Variants in IGF1R observed in about 807,000 individuals in gnomAD.
IGF1R encodes the protein insulin like growth factor 1 receptor, also known as insulin-like growth factor 1 receptor.
Under a neutral mutation model 144.6 loss-of-function variants are expected in IGF1R, and 44 were observed. The observed-to-expected ratio is 0.30, with a 90% confidence interval of 0.24 to 0.39. IGF1R has a LOEUF of 0.39. Among genes scored for constraint, IGF1R ranks in the 10% least tolerant of loss-of-function variants. The pLI is 1.00. For missense variants in IGF1R, 1,355 were observed against 1,833.7 expected (o/e 0.74, Z 4.77); for synonymous variants, 795 against 722.8 (o/e 1.10, Z -1.60).
intron 1 of IGF1R, among the ~76,000 whole-genome samples, chr15:98,693,006 C>T (rs148235749): frequency 7.2e-5 from 11 of 152,234 alleles, no homozygotes; most frequent in South Asian, 4.1e-4. Flanking sequence ...CCCTTTGTCC[C>T]GTGTTCCATT....
rs886051579 is a variant in IGF1R, at chr15:98,959,014, G to C, written c.*1572G>C. ...CGGGCACCCATCCTGAGAGGGCCGC[G>C]CTCCTCTCCCCAGCCTGCCCTCACA... On this transcript the variant is annotated 3_prime_UTR_variant, in exon 21 of 21. Coordinates refer to ENST00000650285, the MANE Select transcript of IGF1R (RefSeq NM_000875.5). 8.6e-6 allele frequency: 2 copies of C among 233,092 alleles called. No homozygotes were observed. Among genetic ancestry groups the C allele is most frequent in the African/African-American group, 4.4e-5 (2 of 45,288 alleles). The allele number at this position is 233,092 out of a possible 1,614,324, so 14.4% of individuals were successfully genotyped here.
At chr15:98,905,468 C>T (rs1401664225) in intron 5 of IGF1R, among the ~76,000 whole-genome samples, 1 of 150,776 alleles carries the variant, frequency 6.6e-6, no homozygotes, top group Non-Finnish European at 1.5e-5. Context: ...CCAGCCAGGG[C>T]AACATAGTGA....
At chr15:98,841,006 C>T (rs925114624) in intron 2 of IGF1R, among the ~76,000 whole-genome samples, 14 of 152,076 alleles carry the variant, frequency 9.2e-5, no homozygotes, top group African/African-American at 2.4e-4. Context: ...GACTTCCTTT[C>T]GCTTGTAGCC....
chr15:98,911,308 G>A lies in IGF1R; in HGVS notation c.1463-7G>A. 1 of 1,614,080 alleles carries A rather than the reference G, an allele frequency of 6.2e-7. No homozygotes were observed. The highest frequency in any genetic ancestry group is 8.5e-7 in the Non-Finnish European group (1 of 1,179,986). On this transcript the variant is annotated splice_region_variant and splice_polypyrimidine_tract_variant and intron_variant, in intron 6 of 20. Coordinates refer to ENST00000650285, the MANE Select transcript of IGF1R (RefSeq NM_000875.5). ...TCTGTCACTCACGGATGTACTCTTT[G>A]CCCCAGGTGAAAGTGACGTCCTGCA...
chr15:98,747,911 C>T (rs1054713653), intron 2 of IGF1R, among the ~76,000 whole-genome samples: 2 of 152,036 alleles, frequency 1.3e-5, no homozygotes, highest in Non-Finnish European at 2.9e-5. Context: ...GTATAAGTAG[C>T]CAACTGATTT....
Position 98,861,830 on chromosome 15 carries a change from A to G in IGF1R, c.641-29495A>G, listed in dbSNP as rs2012174075. Among the ~76,000 whole-genome samples, 3 of 152,262 alleles carry G rather than the reference A, an allele frequency of 2.0e-5. No homozygotes were observed. In the South Asian group the frequency reaches 6.2e-4, roughly 31 times the overall value. On this transcript the variant is annotated intron_variant, in intron 2 of 20. Transcript: ENST00000650285. ...CAGTAATACTGCCTAAATAGGGCACATGTACCTAAAAGGATTTTGTACATT... is the reference window on the plus strand; with the variant it reads ...CAGTAATACTGCCTAAATAGGGCACGTGTACCTAAAAGGATTTTGTACATT...
chr15:98,809,437 C>T (rs562622972), intron 2 of IGF1R, among the ~76,000 whole-genome samples: 233 of 152,246 alleles, frequency 1.5e-3, no homozygotes, highest in Admixed American at 4.1e-3. Flanking sequence ...TCCCAAGTTC[C>T]GCTGGCGTGA....
Position 98,962,748 on chromosome 15 carries a change from T to G in IGF1R, c.*5306T>G, listed in dbSNP as rs1212690419. On this transcript the variant is annotated 3_prime_UTR_variant, in exon 21 of 21. Transcript: ENST00000650285. Reference sequence around the variant, plus strand: ...TTTTGAACTTGATTGTTCTTGAAGCTATCAGACCACATCGAGGCTCAGCAG... The same window carrying G: ...TTTTGAACTTGATTGTTCTTGAAGCGATCAGACCACATCGAGGCTCAGCAG... The G allele has an allele frequency of 4.3e-6, 1 of 233,434 alleles. No homozygotes were observed. Among genetic ancestry groups the G allele is most frequent in the Non-Finnish European group, 8.5e-6 (1 of 118,064 alleles). The allele number at this position is 233,434 out of a possible 1,614,324, so 14.5% of individuals were successfully genotyped here. A position where few individuals can be genotyped will look rare whatever the true frequency, so the allele number is the denominator to read the frequency against.
At chr15:98,662,220 A>G (rs955629129) in intron 1 of IGF1R, among the ~76,000 whole-genome samples, 6 of 151,744 alleles carry the variant, frequency 4.0e-5, no homozygotes, top group African/African-American at 1.5e-4. Flanking sequence ...GCCTCAAGCA[A>G]TCCACCGACC....
chr15:98,939,421 T>C (rs1596472978), intron 18 of IGF1R, 61 bp downstream of exon 18: 7 of 1,545,718 alleles, frequency 4.5e-6, no homozygotes, highest in East Asian at 2.2e-5. Flanking sequence ...GAGGACTTTG[T>C]TGGCATTAGT....
At position 98,784,224 on chromosome 15, in the gene IGF1R, C is replaced by T. The variant is rs560215893; in HGVS notation, c.640+76117C>T. 1.4e-3 allele frequency among the ~76,000 whole-genome samples: 218 copies of T among 152,028 alleles called. 1 individual carries two copies. The highest frequency in any genetic ancestry group is 1.4e-3 in the Non-Finnish European group (92 of 67,984). On this transcript the variant is annotated intron_variant, in intron 2 of 20. Coordinates refer to ENST00000650285, the MANE Select transcript of IGF1R (RefSeq NM_000875.5). Reference sequence around the variant, plus strand: ...TGCTGGGATTACAGGCGTGAGCCACCGTGCCCGGCCCCTGAATCCTATTTT... The same window carrying T: ...TGCTGGGATTACAGGCGTGAGCCACTGTGCCCGGCCCCTGAATCCTATTTT...
At chr15:98,670,086 G>A (rs184064145) in intron 1 of IGF1R, among the ~76,000 whole-genome samples, 1 of 152,280 alleles carries the variant, frequency 6.6e-6, no homozygotes, top group East Asian at 1.9e-4. Flanking sequence ...GGATGTTCGG[G>A]GACCTGCAGG....
chr15:98,872,033 C>T (rs1227434518), intron 2 of IGF1R, among the ~76,000 whole-genome samples: 2 of 152,212 alleles, frequency 1.3e-5, no homozygotes, highest in East Asian at 1.9e-4. Context: ...CAGCCCCCAC[C>T]CTACCTCCAC....
intron 1 of IGF1R, among the ~76,000 whole-genome samples, chr15:98,703,129 C>T (rs1432136195): frequency 2.0e-5 from 3 of 152,028 alleles, no homozygotes; most frequent in African/African-American, 7.3e-5. Flanking sequence ...CCAGCTGTAC[C>T]CTTTCTCTCT....
intron 2 of IGF1R, among the ~76,000 whole-genome samples, chr15:98,729,563 C>CT (rs5814895): frequency 0.53 from 78,006 of 145,894 alleles, 21,385 homozygotes; most frequent in Non-Finnish European, 0.61. Context: ...CCCTAATGTG[C>CT]TTTTTTTTTT....
At chr15:98,789,924 T>A (rs563064986) in intron 2 of IGF1R, among the ~76,000 whole-genome samples, 1 of 152,294 alleles carries the variant, frequency 6.6e-6, no homozygotes, top group African/African-American at 2.4e-5. Context: ...TGGCCCTGAT[T>A]TGCTTCAGAT....
intron 1 of IGF1R, among the ~76,000 whole-genome samples, chr15:98,658,918 C>G (rs1184769096): frequency 6.6e-6 from 1 of 152,202 alleles, no homozygotes; most frequent in Non-Finnish European, 1.5e-5. Flanking sequence ...GTTTCCTCAT[C>G]TGTGAAATTA....
At chr15:98,866,661 C>T (rs1458033198) in intron 2 of IGF1R, among the ~76,000 whole-genome samples, 2 of 152,160 alleles carry the variant, frequency 1.3e-5, no homozygotes, top group African/African-American at 4.8e-5. Context: ...GCTTTCCAGT[C>T]TGACTCAGAC....
At chr15:98,671,526 G>A (rs1043011761) in intron 1 of IGF1R, among the ~76,000 whole-genome samples, 2 of 152,166 alleles carry the variant, frequency 1.3e-5, no homozygotes, top group Admixed American at 6.5e-5. Flanking sequence ...GGAGACTGGG[G>A]GCTTCCTTAT....
Sources: allele counts gnomAD v4.1 joint callset (sites outside exome capture counted in the v4.1 genomes callset), GRCh38; gene constraint gnomAD v4.1.1; transcripts MANE v1.5; gene names NCBI Gene and HGNC (gene_info 2026-07-23, HGNC 2026-07-21).